The following CUL1 variants were observed in gnomAD, a reference collection of about 807,000 sequenced individuals.
CUL1 encodes cullin-1.
A neutral mutation model predicts 118.0 loss-of-function variants in CUL1; 24 were observed. The observed-to-expected ratio is 0.20, with a 90% confidence interval of 0.15 to 0.29. The LOEUF (loss-of-function observed/expected upper bound fraction) is 0.29. Ranked by LOEUF, CUL1 falls within the 10% of genes least tolerant of loss-of-function variation. The probability of loss-of-function intolerance (pLI) is 1.00; values close to 1 mark genes in which losing one functional copy is unlikely to be tolerated. For missense variants in CUL1, 361 were observed against 933.8 expected, an observed-to-expected ratio of 0.39 and a Z score of 7.99; for synonymous variants, 332 against 340.4, an observed-to-expected ratio of 0.98 and a Z score of 0.27.
chr7:148,726,633 T>C (rs912057688), intron 1 of CUL1, among the ~76,000 whole-genome samples: 5 of 152,182 alleles, frequency 3.3e-5, no homozygotes, highest in African/African-American at 1.2e-4. Context: ...TAGTTTGTGG[T>C]CCTGCTACTT....
chr7:148,730,482 G>C (rs1014079194), intron 2 of CUL1, among the ~76,000 whole-genome samples: 3 of 152,246 alleles, frequency 2.0e-5, no homozygotes, highest in African/African-American at 7.2e-5. Flanking sequence ...GGCACATGTG[G>C]CTGTTTACAT....
At chr7:148,731,023 C>T (rs1033195486) in intron 2 of CUL1, among the ~76,000 whole-genome samples, 1 of 152,124 alleles carries the variant, frequency 6.6e-6, no homozygotes, top group African/African-American at 2.4e-5. Context: ...CTATGTTGCC[C>T]GGGCTGTGGC....
intron 7 of CUL1, 84 bp from the exon 8 acceptor site, chr7:148,766,477 G>A: frequency 8.4e-7 from 1 of 1,188,454 alleles, no homozygotes; most frequent in Non-Finnish European, 1.2e-6. Flanking sequence ...CCATTTTTCA[G>A]TTTCCTTTAA....
intron 17 of CUL1, among the ~76,000 whole-genome samples, chr7:148,795,514 C>T (rs1288364894): frequency 6.6e-6 from 1 of 151,964 alleles, no homozygotes; most frequent in African/African-American, 2.4e-5. Flanking sequence ...CGCCTGTAAT[C>T]CCAGCACTTT....
At chr7:148,784,481 T>C (rs977626982) in intron 11 of CUL1, among the ~76,000 whole-genome samples, 17 of 152,228 alleles carry the variant, frequency 1.1e-4, no homozygotes, top group African/African-American at 3.4e-4. Flanking sequence ...TTGAATCTTA[T>C]TTCTCAATTG....
intron 9 of CUL1, among the ~76,000 whole-genome samples, chr7:148,779,933 G>A (rs774722146): frequency 1.3e-5 from 2 of 152,160 alleles, no homozygotes; most frequent in South Asian, 2.1e-4. Flanking sequence ...GTGAAAAGGC[G>A]AGACTGGCCT....
chr7:148,757,017 A>T lies in CUL1; in HGVS notation c.350A>T (p.Lys117Ile), dbSNP rs780965142. The change falls in exon 4 of 22, where the codon AAA becomes ATA. Residue 117 changes from lysine to isoleucine, a missense_variant. By Grantham distance (102) the Lys-to-Ile change is moderately radical. Coordinates refer to ENST00000325222, the MANE Select transcript of CUL1 (RefSeq NM_003592.3). ...GEDLMDESVLKFYTQQWEDYR... is the reference protein window; with the variant it reads ...GEDLMDESVLIFYTQQWEDYR... ...GATTTGATGGATGAGAGTGTACTGA[A>T]ATTCTACACTCAACAATGGGAAGAT... is the stretch of plus-strand genomic sequence containing the variant. 6.2e-7 allele frequency: 1 copy of T among 1,606,098 alleles called. No individual in the cohort carries two copies. Among genetic ancestry groups the T allele is most frequent in the Non-Finnish European group, 8.5e-7 (1 of 1,177,046 alleles).
At chr7:148,795,119 C>T (rs1001144830) in intron 17 of CUL1, among the ~76,000 whole-genome samples, 13 of 151,768 alleles carry the variant, frequency 8.6e-5, no homozygotes, top group Non-Finnish European at 1.3e-4. Context: ...AGGCGTGAGC[C>T]ACCGTGCCTG....
At chr7:148,783,435 C>T in intron 9 of CUL1, 2 of 985,428 alleles carry the variant, frequency 2.0e-6, no homozygotes, top group Non-Finnish European at 2.4e-6. Context: ...GAAACAGAGT[C>T]CAGAGTTCCA....
intron 1 of CUL1, among the ~76,000 whole-genome samples, chr7:148,704,781 GGAGTT>G (rs1192214294): frequency 1.3e-5 from 2 of 151,868 alleles, no homozygotes; most frequent in Non-Finnish European, 2.9e-5. Flanking sequence ...TCTGAGCAGT[GGAGTT>G]ATTTTTAGTT....
At chr7:148,784,960 A>G (rs555034882) in intron 11 of CUL1, among the ~76,000 whole-genome samples, 6 of 152,350 alleles carry the variant, frequency 3.9e-5, no homozygotes, top group Middle Eastern at 3.4e-3. Flanking sequence ...TCTTCAAAAC[A>G]TAGTATAGCT....
In CUL1 at chr7:148,760,683, C is replaced by T. The variant is rs118119807; in HGVS notation, c.789+187C>T. Among the ~76,000 whole-genome samples the T allele has an allele frequency of 3.8e-3, 585 of 152,228 alleles. 4 individuals carry two copies. Among genetic ancestry groups the T allele is most frequent in the South Asian group, 0.012 (59 of 4,814 alleles). On this transcript the variant is annotated intron_variant, in intron 7 of 21. Transcript: ENST00000325222. ...AGCTTCTATAAATTAATTTGGTAAT[C>T]GTGACTGAGAGTTCTCCTTGCTGTT...
intron 2 of CUL1, among the ~76,000 whole-genome samples, chr7:148,745,931 C>A (rs1034411086): frequency 2.0e-5 from 3 of 152,150 alleles, no homozygotes; most frequent in African/African-American, 7.2e-5. Context: ...CCACTATCAT[C>A]TAATGCTTTC....
Position 148,754,117 on chromosome 7 carries a change from A to G in CUL1, c.282A>G (p.Glu94=). 2 of 1,611,004 alleles carry G rather than the reference A, an allele frequency of 1.2e-6. No homozygotes were observed. The highest frequency in any genetic ancestry group is 1.7e-6 in the Non-Finnish European group (2 of 1,178,692). Residue 94 remains glutamate (E), a synonymous_variant, in exon 3 of 22, where the codon GAA becomes GAG. Transcript: ENST00000325222. ...VGLELYKRLK[E]FLKNYLTNLL... is the part of the protein sequence containing the mutation. The stretch of plus-strand genomic sequence containing the variant: ...TGGAATTATATAAACGACTTAAGGA[A>G]TTTTTGAAGAATTACTTGACAAATC...
chr7:148,699,207 G>C (rs865824014), intron 1 of CUL1, among the ~76,000 whole-genome samples, 178 bp downstream of exon 1: 1 of 151,998 alleles, frequency 6.6e-6, no homozygotes, highest in Non-Finnish European at 1.5e-5. Flanking sequence ...CGGGGGACTC[G>C]TGGGCGGAGG....
At chr7:148,704,374 T>A (rs1363543818) in intron 1 of CUL1, among the ~76,000 whole-genome samples, 1 of 152,004 alleles carries the variant, frequency 6.6e-6, no homozygotes, top group Non-Finnish European at 1.5e-5. Flanking sequence ...CTAGAAAGAG[T>A]GTAATTTAAT....
intron 2 of CUL1, among the ~76,000 whole-genome samples, chr7:148,750,063 A>G (rs989783572): frequency 4.6e-5 from 7 of 152,224 alleles, no homozygotes; most frequent in African/African-American, 1.7e-4. Context: ...AAAGGCTGGG[A>G]GAAGTGAGGA....
chr7:148,799,502 A>G (rs1801317491), intron 21 of CUL1, 114 bp downstream of exon 21: 3 of 674,406 alleles, frequency 4.4e-6, no homozygotes, highest in Admixed American at 2.9e-5. Flanking sequence ...GCTTCTTTGT[A>G]TGTAGATTTC....
chr7:148,724,435 G>A (rs956424685), intron 1 of CUL1, among the ~76,000 whole-genome samples: 18 of 152,112 alleles, frequency 1.2e-4, no homozygotes, highest in Admixed American at 6.5e-4. Context: ...TAACTGTGGC[G>A]CGTGTGTGTG....
Sources: allele counts gnomAD v4.1 joint callset (sites outside exome capture counted in the v4.1 genomes callset), GRCh38; gene constraint gnomAD v4.1.1; transcripts MANE v1.5; gene names NCBI Gene and HGNC (gene_info 2026-07-23, HGNC 2026-07-21).